The following ADARB2 variants were observed in gnomAD, a reference collection of about 807,000 sequenced individuals.
ADARB2 encodes inactive double-stranded RNA-specific editase B2.
ADARB2 carries 25 observed loss-of-function variants against 62.2 expected under a neutral mutation model. The ratio of observed to expected loss-of-function variants is 0.40; its 90% confidence interval spans 0.29 to 0.56. The LOEUF (loss-of-function observed/expected upper bound fraction) is 0.56, where lower values mean the gene tolerates loss of function less well. Among genes scored for constraint, ADARB2 ranks in the 20% least tolerant of loss-of-function variants. ADARB2 has a pLI of 0.43. For synonymous variants in ADARB2, 572 were observed against 500.8 expected (o/e 1.14, Z -1.90); for missense variants, 1,071 against 1,077.4 (o/e 0.99, Z 0.08).
intron 1 of ADARB2, among the ~76,000 whole-genome samples, chr10:1,494,899 C>T (rs1831668283): frequency 6.6e-6 from 1 of 152,160 alleles, no homozygotes; most frequent in Admixed American, 6.5e-5. Context: ...CTCCAAACTA[C>T]AGTCTCTCCT....
chr10:1,332,742 C>T (rs1831941378), intron 3 of ADARB2, among the ~76,000 whole-genome samples: 1 of 152,154 alleles, frequency 6.6e-6, no homozygotes, highest in South Asian at 2.1e-4. Context: ...AGAGACACCA[C>T]TACTGGTTAA....
intron 1 of ADARB2, among the ~76,000 whole-genome samples, chr10:1,431,814 C>T (rs891720433): frequency 3.9e-5 from 6 of 152,112 alleles, no homozygotes; most frequent in African/African-American, 1.4e-4. Flanking sequence ...TAAGGGAAAA[C>T]TATGAACAAT....
intron 1 of ADARB2, among the ~76,000 whole-genome samples, chr10:1,698,744 A>G (rs1057219869): frequency 1.3e-5 from 2 of 152,186 alleles, no homozygotes; most frequent in African/African-American, 4.8e-5. Context: ...TGAAGGGGCA[A>G]ATGACTTTTA....
In ADARB2 at chr10:1,417,484, G is replaced by C. The variant is rs897291652; in HGVS notation, c.101-38324C>G. Among the ~76,000 whole-genome samples, 16 of 152,276 alleles carry C rather than the reference G, an allele frequency of 1.1e-4. 1 individual carries two copies. Among genetic ancestry groups the C allele is most frequent in the Middle Eastern group, 3.4e-3 (1 of 294 alleles). ...TTACTGACTCAAAAGAAGGATGAAGGGTTGTGGAAGGATGGATTTTATTAT... is the reference window on the plus strand; with the variant it reads ...TTACTGACTCAAAAGAAGGATGAAGCGTTGTGGAAGGATGGATTTTATTAT... On this transcript the variant is annotated intron_variant, in intron 1 of 9. Coordinates refer to ENST00000381312, the MANE Select transcript of ADARB2 (RefSeq NM_018702.4).
intron 1 of ADARB2, among the ~76,000 whole-genome samples, chr10:1,608,170 C>T (rs1490658974): frequency 2.0e-5 from 3 of 152,180 alleles, no homozygotes; most frequent in East Asian, 1.9e-4. Flanking sequence ...AAAGTCTGTG[C>T]CAACGTCTGG....
intron 3 of ADARB2, among the ~76,000 whole-genome samples, chr10:1,320,828 G>A (rs1265467747): frequency 6.6e-6 from 1 of 152,184 alleles, no homozygotes; most frequent in African/African-American, 2.4e-5. Context: ...ATGATAAAAT[G>A]CCTCTTTCCT....
chr10:1,208,709 G>A (rs113042422), intron 7 of ADARB2, among the ~76,000 whole-genome samples: 21 of 152,342 alleles, frequency 1.4e-4, no homozygotes, highest in African/African-American at 4.6e-4. Flanking sequence ...GCTCTTAAGT[G>A]GTCATGTAAT....
intron 1 of ADARB2, among the ~76,000 whole-genome samples, chr10:1,719,481 G>A (rs1191691252): frequency 6.6e-6 from 1 of 152,198 alleles, no homozygotes; most frequent in African/African-American, 2.4e-5. Context: ...CATTGAATCA[G>A]AAGCATTTTA....
At chr10:1,568,601 A>G (rs1243288337) in intron 1 of ADARB2, among the ~76,000 whole-genome samples, 1 of 49,448 alleles carries the variant, frequency 2.0e-5, no homozygotes, top group African/African-American at 1.1e-4. Context: ...GGAGGAAAGG[A>G]GGGAGGGAGG....
chr10:1,361,909 G>A (rs1198033977), intron 3 of ADARB2, among the ~76,000 whole-genome samples: 1 of 152,180 alleles, frequency 6.6e-6, no homozygotes, highest in East Asian at 1.9e-4. Flanking sequence ...TTCTTTCCTT[G>A]ATTGATGCCA....
Position 1,604,542 on chromosome 10 carries a change from C to T in ADARB2, c.100+132509G>A, listed in dbSNP as rs149769593. Among the ~76,000 whole-genome samples the T allele has an allele frequency of 6.6e-5, 10 of 152,284 alleles. No individual in the cohort carries two copies. The East Asian group carries it at 1.9e-3, about 29-fold the overall frequency. ...AGGCACTGTTTTGTTTGCACTGCCA[C>T]GGTTTACGTTTTCACACCACAATCA... is the stretch of plus-strand genomic sequence containing the variant. On this transcript the variant is annotated intron_variant, in intron 1 of 9. Coordinates refer to ENST00000381312, the MANE Select transcript of ADARB2 (RefSeq NM_018702.4).
At chr10:1,362,120 G>A (rs766793007) in intron 3 of ADARB2, among the ~76,000 whole-genome samples, 1 of 152,198 alleles carries the variant, frequency 6.6e-6, no homozygotes, top group Non-Finnish European at 1.5e-5. Context: ...ACATAAGGCC[G>A]GTGCACACTG....
chr10:1,546,091 C>T (rs150222480), intron 1 of ADARB2, among the ~76,000 whole-genome samples: 1 of 152,172 alleles, frequency 6.6e-6, no homozygotes, highest in African/African-American at 2.4e-5. Context: ...CCCTTGCCTG[C>T]CTTGACTGCC....
chr10:1,204,915 G>A (rs1837032213), intron 7 of ADARB2, among the ~76,000 whole-genome samples: 1 of 152,256 alleles, frequency 6.6e-6, no homozygotes, highest in Non-Finnish European at 1.5e-5. Context: ...TAGGCTCTCA[G>A]TGACCCCACC....
chr10:1,737,059 T>A lies in ADARB2; in HGVS notation c.92A>T (p.Lys31Met). The A allele has an allele frequency of 6.2e-7, 1 of 1,611,358 alleles. No homozygotes were observed. ...CGCCACGCGGTCCTTACCTTTCCGC[T>A]TGGACCTCCGCCTCCTCCTCCTCTT... ...KSKRRRRRRS[K>M]RKDKVSILST... The change falls in exon 1 of 10, where the codon AAG becomes ATG. Residue 31 changes from lysine (K) to methionine (M), a missense_variant. Lys to Met is a moderately conservative substitution (Grantham distance 95). Transcript: ENST00000381312.
Position 1,726,871 on chromosome 10 carries a change from G to A in ADARB2, c.100+10180C>T, listed in dbSNP as rs77135897. Reference sequence around the variant, plus strand: ...CTCACGCTGGAAGCACAGCAGAGGGGCCAGGGAGAGGGCCCGGGGAAGGAC... The same window carrying A: ...CTCACGCTGGAAGCACAGCAGAGGGACCAGGGAGAGGGCCCGGGGAAGGAC... On this transcript the variant is annotated intron_variant, in intron 1 of 9. Coordinates refer to ENST00000381312, the MANE Select transcript of ADARB2 (RefSeq NM_018702.4). Among the ~76,000 whole-genome samples the A allele has an allele frequency of 1.3e-3, 191 of 152,258 alleles. 5 individuals carry two copies. The East Asian group carries it at 0.032, about 25-fold the overall frequency.
At chr10:1,588,282 T>A (rs767987114) in intron 1 of ADARB2, among the ~76,000 whole-genome samples, 12 of 152,180 alleles carry the variant, frequency 7.9e-5, no homozygotes, top group Non-Finnish European at 1.3e-4. Flanking sequence ...TATCTTCCTC[T>A]ATTCCCATTT....
At chr10:1,633,509 T>C (rs989825953) in intron 1 of ADARB2, among the ~76,000 whole-genome samples, 2 of 146,548 alleles carry the variant, frequency 1.4e-5, no homozygotes, top group Admixed American at 6.9e-5. Context: ...AGGTAAGGGA[T>C]ACTCAATGAG....
chr10:1,257,072 A>T (rs1389441850), intron 4 of ADARB2, among the ~76,000 whole-genome samples: 2 of 152,226 alleles, frequency 1.3e-5, no homozygotes, highest in Admixed American at 6.5e-5. Flanking sequence ...GTTTTTAAGA[A>T]GATCATATTT....
Sources: allele counts gnomAD v4.1 joint callset (sites outside exome capture counted in the v4.1 genomes callset), GRCh38; gene constraint gnomAD v4.1.1; transcripts MANE v1.5; gene names NCBI Gene and HGNC (gene_info 2026-07-23, HGNC 2026-07-21).